The following PDE5A variants were observed in gnomAD, a reference collection of about 807,000 sequenced individuals.
PDE5A encodes the protein cGMP-specific 3',5'-cyclic phosphodiesterase.
In PDE5A, 67 loss-of-function variants were observed where a neutral mutation model predicts 110.2. The observed-to-expected ratio is 0.61, with a 90% confidence interval of 0.50 to 0.75. The LOEUF is 0.75. PDE5A is among the 30% of genes least tolerant of loss of function. The pLI, the probability that PDE5A is intolerant of heterozygous loss-of-function variation, is 0.00. For synonymous variants in PDE5A, 328 were observed against 351.2 expected (o/e 0.93, Z 0.74); for missense variants, 862 against 1,045.1 (o/e 0.82, Z 2.42).
At chr4:119,572,804 A>ACAGAATTGTCTACAATT (rs1430825840) in intron 3 of PDE5A, among the ~76,000 whole-genome samples, 1 of 152,208 alleles carries the variant, frequency 6.6e-6, no homozygotes, top group African/African-American at 2.4e-5. Context: ...ATTGACAACT[A>ACAGAATTGTCTACAATT]CTGATACAGA....
chr4:119,593,741 A>G (rs754955322), intron 3 of PDE5A, among the ~76,000 whole-genome samples: 1 of 152,214 alleles, frequency 6.6e-6, no homozygotes, highest in African/African-American at 2.4e-5. Context: ...TATGTGTATT[A>G]ATCTGTTCTC....
At chr4:119,570,233 T>C (rs536024235) in intron 3 of PDE5A, among the ~76,000 whole-genome samples, 1 of 152,330 alleles carries the variant, frequency 6.6e-6, no homozygotes, top group East Asian at 1.9e-4. Flanking sequence ...ATCCATTGCT[T>C]CTTTAAACAA....
chr4:119,589,957 T>A (rs1728905442), intron 3 of PDE5A, among the ~76,000 whole-genome samples: 1 of 152,068 alleles, frequency 6.6e-6, no homozygotes, highest in Admixed American at 6.6e-5. Context: ...AAATCAACAA[T>A]AATTTAAGTG....
At chr4:119,578,468 T>C (rs1195667397) in intron 3 of PDE5A, among the ~76,000 whole-genome samples, 1 of 152,198 alleles carries the variant, frequency 6.6e-6, no homozygotes, top group East Asian at 1.9e-4. Context: ...CAAAACAGCA[T>C]GGTACTGGTA....
intron 11 of PDE5A, among the ~76,000 whole-genome samples, chr4:119,528,207 C>A (rs1279849563): frequency 1.3e-5 from 2 of 151,914 alleles, no homozygotes; most frequent in Non-Finnish European, 2.9e-5. Context: ...GGAATTATAT[C>A]ATAAGTCTTT....
At chr4:119,522,066 T>C (rs1485329717) in intron 12 of PDE5A, among the ~76,000 whole-genome samples, 1 of 152,052 alleles carries the variant, frequency 6.6e-6, no homozygotes, top group Non-Finnish European at 1.5e-5. Flanking sequence ...GCTACAGAAG[T>C]AGGCCAAAAA....
At chr4:119,523,818 T>TGTTGTTCA (rs1726213432) in intron 12 of PDE5A, among the ~76,000 whole-genome samples, 1 of 152,046 alleles carries the variant, frequency 6.6e-6, no homozygotes, top group Non-Finnish European at 1.5e-5. Context: ...ACAGAATCAT[T>TGTTGTTCA]ATTAGTTTCA....
At chr4:119,503,276 A>G (rs549582204) in intron 18 of PDE5A, among the ~76,000 whole-genome samples, 1 of 152,294 alleles carries the variant, frequency 6.6e-6, no homozygotes, top group Non-Finnish European at 1.5e-5. Context: ...TCAAAATGAA[A>G]TCTTGAAAAA....
At chr4:119,515,211 CTCATTCATGGGTAAAA>C (rs1725869862) in intron 14 of PDE5A, among the ~76,000 whole-genome samples, 1 of 152,186 alleles carries the variant, frequency 6.6e-6, no homozygotes, top group Non-Finnish European at 1.5e-5. Flanking sequence ...CAGAGATCAT[CTCATTCATGGGTAAAA>C]TGGACTTTAC....
chr4:119,536,921 T>G (rs532468618), intron 11 of PDE5A, among the ~76,000 whole-genome samples: 1 of 152,302 alleles, frequency 6.6e-6, no homozygotes, highest in South Asian at 2.1e-4. Flanking sequence ...ACTGATCATT[T>G]AGGTTGTGGA....
chr4:119,543,153 C>T (rs891957337), intron 9 of PDE5A: 4 of 151,706 alleles, frequency 2.6e-5, no homozygotes, highest in African/African-American at 9.7e-5. Flanking sequence ...AAATCTACAC[C>T]TCTGTATCCA....
chr4:119,575,611 A>C (rs1265785747), intron 3 of PDE5A, among the ~76,000 whole-genome samples: 1 of 152,158 alleles, frequency 6.6e-6, no homozygotes, highest in Non-Finnish European at 1.5e-5. Flanking sequence ...AGGAGAAATA[A>C]AATCCTTTAC....
At chr4:119,530,037 T>C (rs1321096197) in intron 11 of PDE5A, among the ~76,000 whole-genome samples, 1 of 152,132 alleles carries the variant, frequency 6.6e-6, no homozygotes, top group Non-Finnish European at 1.5e-5. Flanking sequence ...TTCCAGGTGA[T>C]TCTGATGAAT....
intron 2 of PDE5A, among the ~76,000 whole-genome samples, chr4:119,603,589 A>T (rs890950912): frequency 2.7e-5 from 4 of 147,998 alleles, no homozygotes; most frequent in African/African-American, 1.0e-4. Flanking sequence ...GAATATACGA[A>T]TATGTTTTCT....
intron 2 of PDE5A, among the ~76,000 whole-genome samples, chr4:119,598,210 T>A (rs1212813567): frequency 2.6e-5 from 4 of 152,200 alleles, no homozygotes; most frequent in Non-Finnish European, 5.9e-5. Flanking sequence ...AACTACCTAA[T>A]CAAAGCAGTA....
At chr4:119,520,391 C>T (rs1310103831) in intron 13 of PDE5A, among the ~76,000 whole-genome samples, 2 of 152,096 alleles carry the variant, frequency 1.3e-5, no homozygotes, top group Non-Finnish European at 2.9e-5. Context: ...GAACGAATTA[C>T]TTGAACGTTT....
chr4:119,505,911 T>A lies in PDE5A; in HGVS notation c.2211A>T (p.Glu737Asp). 1 of 1,570,852 alleles carries A rather than the reference T, an allele frequency of 6.4e-7. No homozygotes were observed. The highest frequency in any genetic ancestry group is 1.2e-5 in the South Asian group (1 of 84,178). The part of the protein sequence containing the change: ...LYIKRRGEFF[E>D]LIRKNQFNLE... ...AATTGAATTGATTTTTTCTTATAAG[T>A]TCAAAAAATTCTCCTCGCCTCCTAC... Residue 737 changes from glutamate (E) to aspartate (D), a missense_variant, in exon 17 of 21, where the codon GAA (glutamate) becomes GAT (aspartate). Transcript: ENST00000354960.
chr4:119,510,201 A>G (rs1725689838), intron 15 of PDE5A, among the ~76,000 whole-genome samples: 1 of 152,054 alleles, frequency 6.6e-6, no homozygotes, highest in African/African-American at 2.4e-5. Flanking sequence ...TGAGAACTCT[A>G]TACTATATGT....
intron 10 of PDE5A, among the ~76,000 whole-genome samples, chr4:119,540,613 C>A (rs1424993119): frequency 2.6e-5 from 4 of 152,128 alleles, no homozygotes; most frequent in Admixed American, 2.0e-4. Flanking sequence ...AAAATTTTAT[C>A]ACACACAAAA....
Sources: gnomAD v4.1 joint callset for allele counts (sites outside exome capture counted in the v4.1 genomes callset) on GRCh38, gnomAD v4.1.1 for gene constraint, MANE v1.5 for transcripts, NCBI Gene and HGNC (gene_info 2026-07-23, HGNC 2026-07-21) for gene names.